ST8SIA1: variants seen among roughly 807,000 people sequenced by gnomAD.
ST8SIA1 encodes the protein ST8 alpha-N-acetyl-neuraminide alpha-2,8-sialyltransferase 1, also known as alpha-N-acetylneuraminide alpha-2,8-sialyltransferase.
ST8SIA1 carries 16 observed loss-of-function variants against 35.9 expected under a neutral mutation model. The ratio of observed to expected loss-of-function variants is 0.45; its 90% CI spans 0.30 to 0.68. The LOEUF is 0.68. ST8SIA1 is among the 30% of genes least tolerant of loss of function. The probability of loss-of-function intolerance (pLI) is 0.09; values close to 1 mark genes in which losing one functional copy is unlikely to be tolerated. For missense variants in ST8SIA1, 383 were observed against 453.6 expected, an observed-to-expected ratio of 0.84 and a Z score of 1.41; for synonymous variants, 170 against 169.6, an observed-to-expected ratio of 1.00 and a Z score of -0.02.
At chr12:22,258,383 T>C (rs1232364687) in intron 2 of ST8SIA1, among the ~76,000 whole-genome samples, 1 of 150,618 alleles carries the variant, frequency 6.6e-6, no homozygotes, top group Non-Finnish European at 1.5e-5. Flanking sequence ...AGATAGAAAA[T>C]AGAGAGTGAT....
At chr12:22,305,529 CACT>C (rs1190316808) in intron 1 of ST8SIA1, among the ~76,000 whole-genome samples, 1 of 151,902 alleles carries the variant, frequency 6.6e-6, no homozygotes, top group Non-Finnish European at 1.5e-5. Context: ...CACAGGCGCC[CACT>C]ACTATGCCCA....
chr12:22,261,336 G>A (rs571873872), intron 2 of ST8SIA1, among the ~76,000 whole-genome samples: 8 of 152,040 alleles, frequency 5.3e-5, no homozygotes, highest in Non-Finnish European at 8.8e-5. Flanking sequence ...TAGTAGAGAC[G>A]GGGTTTCACC....
Position 22,201,395 on chromosome 12 carries a change from C to T in ST8SIA1, c.*157G>A, listed in dbSNP as rs1378724436. The T allele has an allele frequency of 4.2e-5, 42 of 999,376 alleles. No individual in the cohort carries two copies. The highest frequency in any genetic ancestry group is 1.1e-4 in the Admixed American group (4 of 37,216). 61.9% of individuals were successfully genotyped at this position (999,376 alleles called of 1,614,324 possible). On this transcript the variant is annotated 3_prime_UTR_variant, in exon 5 of 5. Coordinates refer to ENST00000396037, the MANE Select transcript of ST8SIA1 (RefSeq NM_003034.4). ...ATTTCTTATTTGTCCTCCAAGCCAA[C>T]GCTGAAAGTAAAGTTTTGCTTGGAT...
intron 4 of ST8SIA1, among the ~76,000 whole-genome samples, chr12:22,236,591 T>C (rs1299923640): frequency 6.6e-6 from 1 of 152,214 alleles, no homozygotes; most frequent in East Asian, 1.9e-4. Context: ...ATATAAATCC[T>C]GGGTAAAGAT....
At chr12:22,238,262 A>C (rs1183021967) in intron 4 of ST8SIA1, among the ~76,000 whole-genome samples, 1 of 152,194 alleles carries the variant, frequency 6.6e-6, no homozygotes, top group Admixed American at 6.5e-5. Context: ...GATGAAAGTG[A>C]TGCTAGCACA....
chr12:22,272,907 A>G (rs948639413), intron 2 of ST8SIA1, among the ~76,000 whole-genome samples: 1 of 152,240 alleles, frequency 6.6e-6, no homozygotes, highest in Non-Finnish European at 1.5e-5. Context: ...CTTCAAAAAC[A>G]GCAGCAATTT....
chr12:22,334,270 C>T lies in ST8SIA1; in HGVS notation c.-38G>A, dbSNP rs1047293747. Reference sequence around the variant, plus strand: ...GTCCCAGGGGCGGGGGCCGGGGCCTCAGCACAAAGCTAGGCGAAGTGGCAG... The same window carrying T: ...GTCCCAGGGGCGGGGGCCGGGGCCTTAGCACAAAGCTAGGCGAAGTGGCAG... On this transcript the variant is annotated 5_prime_UTR_variant, in exon 1 of 5. Transcript: ENST00000396037. 2 of 1,555,674 alleles carry T rather than the reference C, an allele frequency of 1.3e-6. No individual in the cohort carries two copies. The highest frequency in any genetic ancestry group is 2.7e-5 in the African/African-American group (2 of 73,338).
rs529967683 is a variant in ST8SIA1 at position 22,289,732 on chromosome 12, T to C, written c.237-2439A>G. ...GCCTCCAACCAAGCTGAACTTGCCATTCTGTACAAAGTGCTACAGGAGGTT... is the reference window on the plus strand; with the variant it reads ...GCCTCCAACCAAGCTGAACTTGCCACTCTGTACAAAGTGCTACAGGAGGTT... On this transcript the variant is annotated intron_variant, in intron 1 of 4. Coordinates refer to ENST00000396037, the MANE Select transcript of ST8SIA1 (RefSeq NM_003034.4). Among the ~76,000 whole-genome samples, 46 of 152,296 alleles carry C rather than the reference T, an allele frequency of 3.0e-4. 1 individual carries two copies. The highest frequency in any genetic ancestry group is 1.1e-3 in the African/African-American group (46 of 41,554).
chr12:22,229,585 C>T (rs1865393445), intron 4 of ST8SIA1, among the ~76,000 whole-genome samples: 2 of 146,056 alleles, frequency 1.4e-5, no homozygotes, highest in African/African-American at 2.6e-5. Context: ...CACTGCACTC[C>T]AGCCTGAGTA....
chr12:22,213,114 G>A (rs532244317), intron 4 of ST8SIA1, among the ~76,000 whole-genome samples: 34 of 152,134 alleles, frequency 2.2e-4, no homozygotes, highest in African/African-American at 5.5e-4. Context: ...AAACTGACTC[G>A]GGACATGAAG....
rs1280804239 is a variant in ST8SIA1 at position 22,208,533 on chromosome 12, G to A, written c.585-6495C>T. On this transcript the variant is annotated intron_variant, in intron 4 of 4. Transcript: ENST00000396037. ...ACAACATTTTTATGTGGACAATAAGGAATATTGAAAGATGCCTCCCCAGAT... is the reference window on the plus strand; with the variant it reads ...ACAACATTTTTATGTGGACAATAAGAAATATTGAAAGATGCCTCCCCAGAT... Among the ~76,000 whole-genome samples the A allele has an allele frequency of 2.6e-5, 4 of 152,108 alleles. No individual in the cohort carries two copies. The East Asian group carries it at 7.7e-4, about 29-fold the overall frequency.
intron 1 of ST8SIA1, 79 bp from the exon 2 acceptor site, chr12:22,287,372 A>G: frequency 6.8e-7 from 1 of 1,476,990 alleles, no homozygotes; most frequent in South Asian, 1.3e-5. Context: ...ATTCCCACAG[A>G]GATGTGCCAC....
At chr12:22,217,679 C>T (rs1865249043) in intron 4 of ST8SIA1, among the ~76,000 whole-genome samples, 1 of 152,294 alleles carries the variant, frequency 6.6e-6, no homozygotes, top group Admixed American at 6.5e-5. Context: ...GTATAACACA[C>T]TTAGAATAGT....
At chr12:22,320,933 GA>G (rs1866580020) in intron 1 of ST8SIA1, among the ~76,000 whole-genome samples, 1 of 43,442 alleles carries the variant, frequency 2.3e-5, no homozygotes, top group South Asian at 1.1e-3. Flanking sequence ...AAGGAAGAAA[GA>G]AAGAAAGAAA....
At chr12:22,265,367 T>C (rs1865835589) in intron 2 of ST8SIA1, among the ~76,000 whole-genome samples, 2 of 152,288 alleles carry the variant, frequency 1.3e-5, no homozygotes, top group South Asian at 4.1e-4. Flanking sequence ...ATACTTGCAA[T>C]CCCCTCATTG....
At chr12:22,297,365 A>G (rs1232116181) in intron 1 of ST8SIA1, among the ~76,000 whole-genome samples, 8 of 150,492 alleles carry the variant, frequency 5.3e-5, no homozygotes, top group Non-Finnish European at 8.9e-5. Context: ...TGCCTACTAG[A>G]TACAGGACTG....
intron 4 of ST8SIA1, among the ~76,000 whole-genome samples, chr12:22,207,935 G>A (rs1244931107): frequency 6.6e-6 from 1 of 151,984 alleles, no homozygotes; most frequent in Non-Finnish European, 1.5e-5. Context: ...ACGAGGTCAG[G>A]AGTTCGAGAC....
intron 4 of ST8SIA1, among the ~76,000 whole-genome samples, chr12:22,240,491 C>A (rs1031121257): frequency 6.6e-6 from 1 of 151,552 alleles, no homozygotes; most frequent in Non-Finnish European, 1.5e-5. Context: ...GACTTTGAAG[C>A]CTTGATACAA....
At chr12:22,249,343 C>T (rs1034435429) in intron 3 of ST8SIA1, among the ~76,000 whole-genome samples, 3 of 151,638 alleles carry the variant, frequency 2.0e-5, no homozygotes, top group African/African-American at 4.8e-5. Flanking sequence ...CTCAGCCTCC[C>T]GAGTAGCTGG....
Sources: gnomAD v4.1 joint callset for allele counts (sites outside exome capture counted in the v4.1 genomes callset) on GRCh38, gnomAD v4.1.1 for gene constraint, MANE v1.5 for transcripts, NCBI Gene and HGNC (gene_info 2026-07-23, HGNC 2026-07-21) for gene names.